Variants in AFF2 observed in about 807,000 individuals in gnomAD.
AFF2 encodes ALF transcription elongation factor 2, also known as AF4/FMR2 family member 2.
In AFF2, 14 loss-of-function variants were observed where a neutral mutation model predicts 76.9. The observed-to-expected ratio is 0.18, with a 90% confidence interval of 0.12 to 0.28. The LOEUF (loss-of-function observed/expected upper bound fraction) is 0.28. Ranked by LOEUF, AFF2 falls within the 10% of genes least tolerant of loss-of-function variation. AFF2 has a pLI of 1.00. For synonymous variants in AFF2, 398 were observed against 366.7 expected, an observed-to-expected ratio of 1.09 and a Z score of -0.98; for missense variants, 868 against 1,001.1, an observed-to-expected ratio of 0.87 and a Z score of 1.79.
chrX:148,748,895 G>T (rs1263642488), intron 3 of AFF2, among the ~76,000 whole-genome samples: 3 of 111,996 alleles, frequency 2.7e-5, no homozygotes, highest in Non-Finnish European at 5.6e-5. Flanking sequence ...CCAGGATAGC[G>T]TCTGCAGATT....
At chrX:148,753,304 T>A (rs978044113) in intron 3 of AFF2, among the ~76,000 whole-genome samples, 1 of 112,320 alleles carries the variant, frequency 8.9e-6, no homozygotes, top group African/African-American at 3.2e-5. Context: ...TTCAAAAGAA[T>A]CCATGAATTG....
At chrX:148,516,561 A>G (rs1956575969) in intron 1 of AFF2, among the ~76,000 whole-genome samples, 1 of 111,901 alleles carries the variant, frequency 8.9e-6, no homozygotes, top group Non-Finnish European at 1.9e-5. Flanking sequence ...TTGAGCAACT[A>G]CTGCACGTCA....
chrX:148,974,672 T>C (rs1452484995), intron 16 of AFF2, among the ~76,000 whole-genome samples: 5 of 112,259 alleles, frequency 4.5e-5, no homozygotes, highest in African/African-American at 1.6e-4. Flanking sequence ...AGAAGTTTAG[T>C]TAGAGCCACA....
intron 9 of AFF2, among the ~76,000 whole-genome samples, chrX:148,911,270 A>G (rs1252538881): frequency 2.7e-5 from 3 of 111,391 alleles, no homozygotes; most frequent in African/African-American, 9.8e-5. Flanking sequence ...GTGGAAAATA[A>G]GTGTGGCTCC....
chrX:148,646,842 C>A lies in AFF2; in HGVS notation c.48-5157C>A, dbSNP rs1413239562. Among the ~76,000 whole-genome samples the A allele has an allele frequency of 6.3e-5, 7 of 111,780 alleles. No individual in the cohort carries two copies. In the East Asian group the frequency reaches 1.7e-3, roughly 27 times the overall value. ...CACTTACCTTCTATTCTTTTGCACACCTCCAGATCCAAGGTTCTTGTGTTT... is the reference window on the plus strand; with the variant it reads ...CACTTACCTTCTATTCTTTTGCACAACTCCAGATCCAAGGTTCTTGTGTTT... On this transcript the variant is annotated intron_variant, in intron 1 of 20. Transcript: ENST00000370460.
intron 1 of AFF2, among the ~76,000 whole-genome samples, chrX:148,508,781 C>G (rs782298615): frequency 2.1e-4 from 24 of 111,664 alleles, no homozygotes; most frequent in African/African-American, 7.8e-4. Flanking sequence ...GTGGAGAGGT[C>G]TCATCAATTT....
intron 9 of AFF2, among the ~76,000 whole-genome samples, chrX:148,947,614 C>T (rs2071916261): frequency 9.0e-6 from 1 of 111,708 alleles, no homozygotes; most frequent in African/African-American, 3.3e-5. Context: ...AAAATGGAAT[C>T]TTCCCAGTCT....
chrX:148,569,831 G>T (rs889320931), intron 1 of AFF2, among the ~76,000 whole-genome samples: 11 of 111,576 alleles, frequency 9.9e-5, no homozygotes, highest in Non-Finnish European at 2.1e-4. Flanking sequence ...AATTAAAAAT[G>T]TAATGTTTAC....
chrX:148,983,180 A>T (rs1441935490), intron 19 of AFF2, among the ~76,000 whole-genome samples: 1 of 112,215 alleles, frequency 8.9e-6, no homozygotes, highest in Non-Finnish European at 1.9e-5. Context: ...TGGAGAGTTT[A>T]AAAAGGCTGA....
At chrX:148,927,566 G>C (rs782098440) in intron 9 of AFF2, among the ~76,000 whole-genome samples, 29 of 110,671 alleles carry the variant, frequency 2.6e-4, no homozygotes, top group Non-Finnish European at 4.9e-4. Context: ...GTTTATAGAA[G>C]GAAAGTAAAG....
At chrX:148,671,137 T>G (rs1557259039) in intron 3 of AFF2, among the ~76,000 whole-genome samples, 1 of 111,951 alleles carries the variant, frequency 8.9e-6, no homozygotes, top group Non-Finnish European at 1.9e-5. Context: ...AGTGCATCTT[T>G]CTTGGTGCAC....
chrX:148,520,537 T>C (rs782816595), intron 1 of AFF2, among the ~76,000 whole-genome samples: 33 of 111,976 alleles, frequency 2.9e-4, no homozygotes, highest in Non-Finnish European at 5.3e-4. Flanking sequence ...TTCTGGTTCT[T>C]CTTAACACTG....
At chrX:148,530,700 T>G (rs782262425) in intron 1 of AFF2, among the ~76,000 whole-genome samples, 1 of 112,091 alleles carries the variant, frequency 8.9e-6, no homozygotes, top group South Asian at 3.7e-4. Flanking sequence ...TCGAATTTTT[T>G]AAGATTGGGA....
Position 148,962,907 on chromosome X carries a change from C to T in AFF2, c.2883C>T (p.Phe961=). ...AACCTAAGAGAACTGAAGGCAAATTCTGTGCTACTTTCAAAGGGATATCGG... is the reference window on the plus strand; with the variant it reads ...AACCTAAGAGAACTGAAGGCAAATTTTGTGCTACTTTCAAAGGGATATCGG... ...STKPKRTEGK[F]CATFKGISVN... Residue 961 remains phenylalanine, a synonymous_variant, in exon 13 of 21, where the codon TTC becomes TTT. Coordinates refer to ENST00000370460, the MANE Select transcript of AFF2 (RefSeq NM_002025.4). 1 of 1,197,660 alleles carries T rather than the reference C, an allele frequency of 8.3e-7. No individual in the cohort carries two copies. Among genetic ancestry groups the T allele is most frequent in the Non-Finnish European group, 1.1e-6 (1 of 882,871 alleles).
intron 7 of AFF2, among the ~76,000 whole-genome samples, chrX:148,885,519 T>TG (rs782076884): frequency 2.7e-4 from 30 of 111,089 alleles, no homozygotes; most frequent in Admixed American, 2.7e-3. Context: ...TCTTCTTTCA[T>TG]GGGAAACTCT....
At chrX:148,981,989 G>C (rs1284791846) in intron 19 of AFF2, among the ~76,000 whole-genome samples, 1 of 112,116 alleles carries the variant, frequency 8.9e-6, no homozygotes, top group East Asian at 2.8e-4. Flanking sequence ...AAAAGAGAAA[G>C]AGTGCTTCTC....
intron 9 of AFF2, among the ~76,000 whole-genome samples, chrX:148,938,266 C>A (rs2071794949): frequency 8.9e-6 from 1 of 111,908 alleles, no homozygotes; most frequent in Non-Finnish European, 1.9e-5. Context: ...GGTTAGAGAG[C>A]AAATGGCTAA....
chrX:148,794,569 C>T (rs1286741520), intron 3 of AFF2, among the ~76,000 whole-genome samples: 3 of 111,835 alleles, frequency 2.7e-5, no homozygotes, highest in African/African-American at 9.7e-5. Flanking sequence ...CAGGTGCTTT[C>T]CAAGGTACAG....
At chrX:148,539,761 A>G (rs1313530217) in intron 1 of AFF2, among the ~76,000 whole-genome samples, 1 of 110,820 alleles carries the variant, frequency 9.0e-6, no homozygotes, top group Non-Finnish European at 1.9e-5. Context: ...CAGTTCCATC[A>G]TCATCACCAA....
Sources: allele counts gnomAD v4.1 joint callset (sites outside exome capture counted in the v4.1 genomes callset), GRCh38; gene constraint gnomAD v4.1.1; transcripts MANE v1.5; gene names NCBI Gene and HGNC (gene_info 2026-07-23, HGNC 2026-07-21).